Variants in BCL2L1 observed in about 807,000 individuals in gnomAD.
BCL2L1 encodes bcl-2-like protein 1.
BCL2L1 carries 1 observed loss-of-function variant against 18.7 expected under a neutral mutation model. That is an observed-to-expected ratio of 0.05 (90% CI 0.02 to 0.25). The LOEUF (loss-of-function observed/expected upper bound fraction) is 0.25. Ranked by LOEUF, BCL2L1 falls within the 10% of genes least tolerant of loss-of-function variation. The pLI is 1.00. For missense variants in BCL2L1, 207 were observed against 304.9 expected, an observed-to-expected ratio of 0.68 and a Z score of 2.39; for synonymous variants, 103 against 122.7, an observed-to-expected ratio of 0.84 and a Z score of 1.06.
At chr20:31,712,910 T>G (rs2122789151) in intron 2 of BCL2L1, among the ~76,000 whole-genome samples, 1 of 152,174 alleles carries the variant, frequency 6.6e-6, no homozygotes, top group Non-Finnish European at 1.5e-5. Context: ...CCAACAAGGT[T>G]TTCAACCTTC....
intron 2 of BCL2L1, among the ~76,000 whole-genome samples, chr20:31,700,277 T>C (rs995140821): frequency 6.6e-6 from 1 of 152,152 alleles, no homozygotes; most frequent in Non-Finnish European, 1.5e-5. Flanking sequence ...AAACTGACAA[T>C]GGCCCCACAC....
At position 31,710,282 on chromosome 20, in the gene BCL2L1, T is replaced by A. The variant is rs564264213; in HGVS notation, c.564+11373A>T. 8.5e-5 allele frequency among the ~76,000 whole-genome samples: 13 copies of A among 152,236 alleles called. No individual in the cohort carries two copies. In the South Asian group the frequency reaches 1.5e-3, roughly 17 times the overall value. ...ACCTCTAGGGAGGTGATATCTGAGT[T>A]GATACCTGAATGATAAGAAGAGAGA... is the stretch of plus-strand genomic sequence containing the variant. On this transcript the variant is annotated intron_variant, in intron 2 of 2. Coordinates refer to ENST00000307677, the MANE Select transcript of BCL2L1 (RefSeq NM_138578.3).
intron 2 of BCL2L1, among the ~76,000 whole-genome samples, chr20:31,686,563 T>C (rs1053542401): frequency 6.6e-6 from 1 of 152,178 alleles, no homozygotes; most frequent in African/African-American, 2.4e-5. Flanking sequence ...CTGTAATATC[T>C]TAGAGATGTT....
chr20:31,723,932 C>G, upstream of BCL2L1: 1 of 985,460 alleles, frequency 1.0e-6, no homozygotes, highest in Non-Finnish European at 1.2e-6. Flanking sequence ...GACAGGGGAA[C>G]TTGCAAGCTC....
At chr20:31,674,816 A>G (rs1281206147) in intron 2 of BCL2L1, among the ~76,000 whole-genome samples, 1 of 148,244 alleles carries the variant, frequency 6.7e-6, no homozygotes, top group African/African-American at 2.5e-5. Context: ...TTGAAACTGC[A>G]GTGAGCTGTG....
intron 2 of BCL2L1, among the ~76,000 whole-genome samples, chr20:31,688,339 G>T (rs1316067111): frequency 6.6e-6 from 1 of 151,650 alleles, no homozygotes; most frequent in Admixed American, 6.6e-5. Context: ...AGCTACTTGG[G>T]AGGCTGAGGC....
rs2060555019 is a variant in BCL2L1 at position 31,664,469 on chromosome 20, AAC to A, written c.*1478_*1479del. The stretch of plus-strand genomic sequence containing the variant: ...GCCCAGGCTCTTTGTTCACTGAGTA[AAC>A]ACAGTTTATTACTGAACTGCACTTT... On this transcript the variant is annotated 3_prime_UTR_variant, in exon 3 of 3. Transcript: ENST00000307677. The A allele has an allele frequency of 5.6e-6, 1 of 178,844 alleles. No homozygotes were observed. The highest frequency in any genetic ancestry group is 1.2e-5 in the Non-Finnish European group (1 of 83,090). 11.1% of individuals were successfully genotyped at this position (178,844 alleles called of 1,614,324 possible).
chr20:31,708,362 T>C (rs1324171529), intron 2 of BCL2L1, among the ~76,000 whole-genome samples: 1 of 152,182 alleles, frequency 6.6e-6, no homozygotes, highest in African/African-American at 2.4e-5. Context: ...TGTATGTCAT[T>C]CACATGGAAC....
intron 2 of BCL2L1, among the ~76,000 whole-genome samples, chr20:31,704,231 G>C (rs1273672179): frequency 6.6e-6 from 1 of 151,534 alleles, no homozygotes; most frequent in Non-Finnish European, 1.5e-5. Context: ...AGCCTCCTGA[G>C]TAGCTGGGAT....
intron 2 of BCL2L1, among the ~76,000 whole-genome samples, chr20:31,679,298 T>A (rs898857636): frequency 1.2e-4 from 18 of 152,166 alleles, no homozygotes; most frequent in African/African-American, 4.3e-4. Context: ...ACTGTCCCAC[T>A]TGATGTGGCC....
At chr20:31,694,132 C>A (rs987224061) in intron 2 of BCL2L1, among the ~76,000 whole-genome samples, 10 of 152,132 alleles carry the variant, frequency 6.6e-5, no homozygotes, top group Admixed American at 1.3e-4. Flanking sequence ...GGATCAAGCA[C>A]CACGCCCAGG....
chr20:31,689,139 A>G (rs917793468), intron 2 of BCL2L1, among the ~76,000 whole-genome samples: 8 of 148,256 alleles, frequency 5.4e-5, no homozygotes, highest in Non-Finnish European at 1.2e-4. Context: ...GCACTTTGGG[A>G]AGCCGAGGCA....
chr20:31,718,162 C>G (rs1364719173), intron 2 of BCL2L1, among the ~76,000 whole-genome samples: 2 of 152,144 alleles, frequency 1.3e-5, no homozygotes, highest in Admixed American at 6.6e-5. Context: ...GCGGGAGAGA[C>G]AGATGGACAA....
chr20:31,697,441 T>TC (rs2061192341), intron 2 of BCL2L1, among the ~76,000 whole-genome samples: 1 of 151,828 alleles, frequency 6.6e-6, no homozygotes, highest in Non-Finnish European at 1.5e-5. Flanking sequence ...CAGGTGACTT[T>TC]CTTTTTTTTT....
upstream of BCL2L1, chr20:31,723,759 G>A (rs1297848665): frequency 3.0e-6 from 3 of 985,276 alleles, no homozygotes; most frequent in Non-Finnish European, 3.6e-6. Flanking sequence ...AGCCGTGGGG[G>A]GCCACATCCC....
chr20:31,720,877 C>T (rs562533956), intron 2 of BCL2L1: 42 of 985,376 alleles, frequency 4.3e-5, no homozygotes, highest in Non-Finnish European at 4.7e-5. Context: ...GGGCTCTGGC[C>T]GGAAAGTAAC....
intron 2 of BCL2L1, among the ~76,000 whole-genome samples, chr20:31,717,942 G>C (rs2061562683): frequency 6.6e-6 from 1 of 152,216 alleles, no homozygotes; most frequent in African/African-American, 2.4e-5. Context: ...TCCCTTCGGG[G>C]AAGGTCATGT....
rs1175150814 is a variant in BCL2L1, at chr20:31,666,018, G to A, written c.633C>T (p.Asn211=). The A allele has an allele frequency of 6.2e-7, 1 of 1,614,082 alleles. No individual in the cohort carries two copies. The highest frequency in any genetic ancestry group is 1.3e-5 in the African/African-American group (1 of 74,932). ...AESRKGQERF[N]RWFLTGMTVA... ...CAGTCATGCCCGTCAGGAACCAGCG[G>A]TTGAAGCGTTCCTGGCCCTTTCGGC... Residue 211 remains asparagine, a synonymous_variant, in exon 3 of 3, where the codon AAC becomes AAT. Transcript: ENST00000307677.
chr20:31,700,126 G>A lies in BCL2L1; in HGVS notation c.564+21529C>T, dbSNP rs530292941. Among the ~76,000 whole-genome samples, 7 of 152,300 alleles carry A rather than the reference G, an allele frequency of 4.6e-5. No individual in the cohort carries two copies. The East Asian group carries it at 1.2e-3, about 25-fold the overall frequency. On this transcript the variant is annotated intron_variant, in intron 2 of 2. Transcript: ENST00000307677. ...AGCTGTCTCTCCCATTAAAGTAAGAGTTCTACAAGAGCAATGTCCTTGACC... is the reference window on the plus strand; with the variant it reads ...AGCTGTCTCTCCCATTAAAGTAAGAATTCTACAAGAGCAATGTCCTTGACC...
Sources: gnomAD v4.1 joint callset for allele counts (sites outside exome capture counted in the v4.1 genomes callset) on GRCh38, gnomAD v4.1.1 for gene constraint, MANE v1.5 for transcripts, NCBI Gene and HGNC (gene_info 2026-07-23, HGNC 2026-07-21) for gene names.